STAG1: variants seen among roughly 807,000 people sequenced by gnomAD.
STAG1 encodes the protein cohesin subunit SA-1.
In STAG1, 26 loss-of-function variants were observed where a neutral mutation model predicts 170.9. That is an observed-to-expected ratio of 0.15 (90% CI 0.11 to 0.21). The LOEUF is 0.21. Among genes scored for constraint, STAG1 ranks in the 10% least tolerant of loss-of-function variants. The probability of loss-of-function intolerance (pLI) is 1.00; values close to 1 mark genes in which losing one functional copy is unlikely to be tolerated. For missense variants in STAG1, 964 were observed against 1,509.5 expected, an observed-to-expected ratio of 0.64 and a Z score of 5.99; for synonymous variants, 514 against 497.7, an observed-to-expected ratio of 1.03 and a Z score of -0.44.
At chr3:136,700,700 A>T (rs759353830) in intron 1 of STAG1, among the ~76,000 whole-genome samples, 1 of 151,360 alleles carries the variant, frequency 6.6e-6, no homozygotes, top group Admixed American at 6.6e-5. Flanking sequence ...GATTACAGGC[A>T]TAATAGACCA....
At chr3:136,694,674 TAGTC>T (rs1264428937) in intron 1 of STAG1, among the ~76,000 whole-genome samples, 2 of 151,750 alleles carry the variant, frequency 1.3e-5, no homozygotes, top group Admixed American at 6.6e-5. Context: ...AATGTTAAAT[TAGTC>T]AGCAAAATGA....
At chr3:136,467,641 G>A (rs1194348323) in intron 12 of STAG1, among the ~76,000 whole-genome samples, 1 of 152,118 alleles carries the variant, frequency 6.6e-6, no homozygotes, top group East Asian at 1.9e-4. Context: ...ATTGAACTCA[G>A]CTCTGCACCA....
intron 28 of STAG1, among the ~76,000 whole-genome samples, chr3:136,350,072 G>A (rs764795801): frequency 4.6e-5 from 7 of 152,064 alleles, no homozygotes; most frequent in Non-Finnish European, 8.8e-5. Flanking sequence ...CCCGGGAGGC[G>A]GAGGTTGCAG....
At chr3:136,637,245 T>C (rs903291357) in intron 1 of STAG1, among the ~76,000 whole-genome samples, 1 of 152,150 alleles carries the variant, frequency 6.6e-6, no homozygotes, top group Non-Finnish European at 1.5e-5. Flanking sequence ...GCTCTTTCAG[T>C]GAACAAAAAG....
At chr3:136,684,844 C>T (rs1053715278) in intron 1 of STAG1, among the ~76,000 whole-genome samples, 1 of 148,668 alleles carries the variant, frequency 6.7e-6, no homozygotes, top group Admixed American at 6.7e-5. Flanking sequence ...TCAGTCTAGA[C>T]ACAGACCTTA....
At chr3:136,411,048 C>A (rs1345697273) in intron 21 of STAG1, among the ~76,000 whole-genome samples, 1 of 152,146 alleles carries the variant, frequency 6.6e-6, no homozygotes, top group African/African-American at 2.4e-5. Context: ...AAGCGGGGAG[C>A]TTAAAATAGT....
At chr3:136,527,314 A>G (rs2107920358) in intron 6 of STAG1, among the ~76,000 whole-genome samples, 1 of 151,884 alleles carries the variant, frequency 6.6e-6, no homozygotes, top group South Asian at 2.1e-4. Flanking sequence ...TTTTCTCCAA[A>G]CTTCCTTTCT....
intron 29 of STAG1, among the ~76,000 whole-genome samples, chr3:136,345,453 T>C (rs1203261901): frequency 8.0e-6 from 1 of 125,352 alleles, no homozygotes; most frequent in African/African-American, 2.9e-5. Flanking sequence ...TATTACCTAG[T>C]TGTTTTTTTT....
intron 1 of STAG1, among the ~76,000 whole-genome samples, chr3:136,660,015 TAAA>T (rs1941524923): frequency 6.6e-6 from 1 of 152,170 alleles, no homozygotes; most frequent in Non-Finnish European, 1.5e-5. Context: ...CCCATCTCTA[TAAA>T]ATTTTTTAAA....
chr3:136,373,435 G>C (rs1049149057), intron 23 of STAG1, among the ~76,000 whole-genome samples: 1 of 152,176 alleles, frequency 6.6e-6, no homozygotes, highest in Middle Eastern at 3.4e-3. Context: ...TTTTAATTGT[G>C]ATGTTACGGT....
chr3:136,464,447 A>G (rs1251172796), intron 13 of STAG1, among the ~76,000 whole-genome samples: 1 of 152,052 alleles, frequency 6.6e-6, no homozygotes, highest in Non-Finnish European at 1.5e-5. Context: ...AAAACAAAAA[A>G]ATCATCATAA....
At chr3:136,528,167 T>C (rs1935162349) in intron 6 of STAG1, among the ~76,000 whole-genome samples, 1 of 152,214 alleles carries the variant, frequency 6.6e-6, no homozygotes, top group Non-Finnish European at 1.5e-5. Context: ...TGTTCAGCTA[T>C]GCCCTGCCCC....
At chr3:136,585,442 AAAAC>A (rs1237017566) in intron 4 of STAG1, among the ~76,000 whole-genome samples, 4 of 152,038 alleles carry the variant, frequency 2.6e-5, no homozygotes, top group African/African-American at 7.2e-5. Flanking sequence ...ACTCCATCTC[AAAAC>A]AAACAAACAA....
At chr3:136,652,312 ACAT>A (rs1941245928) in intron 1 of STAG1, among the ~76,000 whole-genome samples, 1 of 152,176 alleles carries the variant, frequency 6.6e-6, no homozygotes. Flanking sequence ...GAAATACAAA[ACAT>A]CACTTCATTG....
At chr3:136,706,338 C>A (rs571795073) in intron 1 of STAG1, among the ~76,000 whole-genome samples, 95 of 152,078 alleles carry the variant, frequency 6.2e-4, no homozygotes, top group African/African-American at 2.2e-3. Flanking sequence ...ATAAAATATT[C>A]CAAAGAATCA....
At chr3:136,593,279 C>A (rs554920996) in intron 4 of STAG1, among the ~76,000 whole-genome samples, 2 of 152,284 alleles carry the variant, frequency 1.3e-5, no homozygotes, top group Admixed American at 1.3e-4. Context: ...CACCCCAACA[C>A]GTAGCACATT....
At chr3:136,644,148 T>C (rs528442420) in intron 1 of STAG1, among the ~76,000 whole-genome samples, 2 of 152,306 alleles carry the variant, frequency 1.3e-5, no homozygotes, top group Admixed American at 1.3e-4. Flanking sequence ...CTGTGGTAGT[T>C]ATTATACAGT....
chr3:136,675,662 C>T (rs1203034888), intron 1 of STAG1, among the ~76,000 whole-genome samples: 1 of 152,094 alleles, frequency 6.6e-6, no homozygotes, highest in Non-Finnish European at 1.5e-5. Flanking sequence ...AGAACACTTT[C>T]ATCATACCAA....
At chr3:136,652,954 A>C (rs1478869456) in intron 1 of STAG1, among the ~76,000 whole-genome samples, 1 of 152,060 alleles carries the variant, frequency 6.6e-6, no homozygotes, top group Non-Finnish European at 1.5e-5. Context: ...CCACGGAGGA[A>C]ATAAGGGTGG....
Sources: allele counts gnomAD v4.1 joint callset (sites outside exome capture counted in the v4.1 genomes callset), GRCh38; gene constraint gnomAD v4.1.1; transcripts MANE v1.5; gene names NCBI Gene and HGNC (gene_info 2026-07-23, HGNC 2026-07-21).